Variants in RSRP1 observed in about 807,000 individuals in gnomAD.
RSRP1 encodes arginine and serine rich protein 1.
A neutral mutation model predicts 33.0 loss-of-function variants in RSRP1; 37 were observed. That is an observed-to-expected ratio of 1.12 (90% CI 0.86 to 1.48). The LOEUF (loss-of-function observed/expected upper bound fraction) is 1.48, where lower values mean the gene tolerates loss of function less well. Ranked by LOEUF, RSRP1 falls within the 40% of genes most tolerant of loss-of-function variation. The pLI is 0.00. For synonymous variants in RSRP1, 167 were observed against 158.7 expected, an observed-to-expected ratio of 1.05 and a Z score of -0.40; for missense variants, 402 against 385.3, an observed-to-expected ratio of 1.04 and a Z score of -0.36.
intron 2 of RSRP1, chr1:25,245,853 A>C (rs1404970573): frequency 6.4e-6 from 1 of 155,986 alleles, no homozygotes; most frequent in African/African-American, 2.4e-5. Flanking sequence ...TTATATAATT[A>C]TCACAACCAC....
At position 25,293,626 on chromosome 1, in the gene RSRP1, T is replaced by G. The variant is rs1174341271; in HGVS notation, c.-67+44352A>C. Among the ~76,000 whole-genome samples, 3 of 131,386 alleles carry G rather than the reference T, an allele frequency of 2.3e-5. 1 individual carries two copies. The highest frequency in any genetic ancestry group is 3.6e-5 in the Non-Finnish European group (2 of 55,690). 86.2% of individuals were successfully genotyped at this position (131,386 alleles called of 152,430 possible). A position where few individuals can be genotyped will look rare whatever the true frequency, so the allele number is the denominator to read the frequency against. On this transcript the variant is annotated intron_variant, in intron 1 of 1. Transcript: ENST00000561867. ...GCGTTTCTTCCTAGGATTTAGAAAT[T>G]TATAATATGAGATAGCAGCATTTCC...
chr1:25,333,589 A>G (rs1222604391), intron 1 of RSRP1, among the ~76,000 whole-genome samples: 2 of 131,228 alleles, frequency 1.5e-5, no homozygotes, highest in East Asian at 2.0e-4. Context: ...CCTGGCCAGG[A>G]GCTAGAGCAT....
At chr1:25,299,457 C>T (rs1446568531) in intron 1 of RSRP1, among the ~76,000 whole-genome samples, 1 of 131,176 alleles carries the variant, frequency 7.6e-6, no homozygotes, top group Non-Finnish European at 1.8e-5. Context: ...TAGACACCCT[C>T]TACAGACAAG....
chr1:25,266,629 G>A (rs2124567627), intron 1 of RSRP1: 1 of 129,238 alleles, frequency 7.7e-6, no homozygotes, highest in African/African-American at 2.8e-5. Flanking sequence ...CAGTCACCTT[G>A]GTTCCCATCT....
rs893576531 is a variant in RSRP1 at position 25,279,271 on chromosome 1, C to T, written c.-66-32242G>A. ...CACTCACTACGTACCCAATGCTGGGCGAAGTGACTTGCATGAGCCAGCGAG... is the reference window on the plus strand; with the variant it reads ...CACTCACTACGTACCCAATGCTGGGTGAAGTGACTTGCATGAGCCAGCGAG... On this transcript the variant is annotated intron_variant, in intron 1 of 1. Coordinates refer to the RSRP1 transcript ENST00000561867. Among the ~76,000 whole-genome samples, 2 of 128,528 alleles carry T rather than the reference C, an allele frequency of 1.6e-5. 1 individual carries two copies. The highest frequency in any genetic ancestry group is 1.5e-4 in the Admixed American group (2 of 13,214). 84.3% of individuals were successfully genotyped at this position (128,528 alleles called of 152,430 possible). A position where few individuals can be genotyped will look rare whatever the true frequency, so the allele number is the denominator to read the frequency against.
intron 1 of RSRP1, among the ~76,000 whole-genome samples, chr1:25,283,187 G>C (rs1641652619): frequency 7.6e-6 from 1 of 132,230 alleles, no homozygotes; most frequent in African/African-American, 2.6e-5. Context: ...AGGGAGGGCA[G>C]ATGGTGTGGT....
rs544073405 is a variant in RSRP1, at chr1:25,320,343, T to TA, written c.-67+17634dup. Reference sequence around the variant, plus strand: ...TCCTAGTGATGGTTCTGATTTTTTTTAAAAAAAGTCTAAATATGTTTAATG... The same window carrying TA: ...TCCTAGTGATGGTTCTGATTTTTTTTAAAAAAAAGTCTAAATATGTTTAATG... On this transcript the variant is annotated intron_variant, in intron 1 of 1. Transcript: ENST00000561867. Among the ~76,000 whole-genome samples the TA allele has an allele frequency of 5.3e-5, 7 of 131,812 alleles. 2 individuals are homozygous for TA. Among genetic ancestry groups the TA allele is most frequent in the Admixed American group, 1.5e-4 (2 of 13,496 alleles). The allele number at this position is 131,812 out of a possible 152,430, so 86.5% of individuals were successfully genotyped here. A position where few individuals can be genotyped will look rare whatever the true frequency, so the allele number is the denominator to read the frequency against.
chr1:25,251,750 C>T (rs996840966), upstream of RSRP1, among the ~76,000 whole-genome samples: 2 of 152,116 alleles, frequency 1.3e-5, no homozygotes, highest in East Asian at 3.8e-4. Context: ...TACAAGCTAA[C>T]GATCATTCCC....
intron 1 of RSRP1, among the ~76,000 whole-genome samples, chr1:25,313,621 A>G (rs1431333343): frequency 7.6e-6 from 1 of 132,350 alleles, no homozygotes; most frequent in Non-Finnish European, 1.8e-5. Context: ...AACAAGAGGC[A>G]GAACACGTCA....
intron 1 of RSRP1, chr1:25,272,739 G>T (rs753892726): frequency 7.3e-7 from 1 of 1,375,832 alleles, no homozygotes; most frequent in African/African-American, 1.4e-5. Flanking sequence ...AAATAGCAGG[G>T]GCAGGGGCGG....
chr1:25,300,997 G>A, intron 1 of RSRP1: 1 of 1,378,394 alleles, frequency 7.3e-7, no homozygotes, highest in Non-Finnish European at 1.0e-6. Flanking sequence ...AGCCTATTTT[G>A]GGCTGTCTGT....
At chr1:25,263,261 G>A (rs995006042) in intron 1 of RSRP1, among the ~76,000 whole-genome samples, 1 of 152,060 alleles carries the variant, frequency 6.6e-6, no homozygotes, top group Non-Finnish European at 1.5e-5. Context: ...GGCCTGGCCA[G>A]GAGCTAGAGC....
rs1643669824 is a variant in RSRP1 at position 25,304,814 on chromosome 1, T to C, written c.-67+33164A>G. 1.5e-5 allele frequency: 2 copies of C among 131,672 alleles called. 1 individual carries two copies. Among genetic ancestry groups the C allele is most frequent in the Admixed American group, 1.5e-4 (2 of 13,522 alleles). 8.2% of individuals were successfully genotyped at this position (131,672 alleles called of 1,614,324 possible). ...CAAATTTCTTTTATCTCCTCTGGCT[T>C]TGAAACCCTGAAATGAAAGGAGGAA... On this transcript the variant is annotated intron_variant, in intron 1 of 1. Transcript: ENST00000561867.
At chr1:25,310,747 G>A (rs1167632288) in intron 1 of RSRP1, among the ~76,000 whole-genome samples, 1 of 132,278 alleles carries the variant, frequency 7.6e-6, no homozygotes, top group Non-Finnish European at 1.8e-5. Flanking sequence ...CAAAGCAGGT[G>A]GATCACCTGA....
chr1:25,295,895 T>C lies in RSRP1; in HGVS notation c.-67+42083A>G, dbSNP rs1340050624. Among the ~76,000 whole-genome samples, 2 of 103,050 alleles carry C rather than the reference T, an allele frequency of 1.9e-5. 1 individual carries two copies. Among genetic ancestry groups the C allele is most frequent in the African/African-American group, 6.7e-5 (2 of 29,636 alleles). The allele number at this position is 103,050 out of a possible 152,430, so 67.6% of individuals were successfully genotyped here. The stretch of plus-strand genomic sequence containing the variant: ...TTTTTTTTTTGAGATGGAGTTTCGC[T>C]GTTGTCATCCAGGCTGGATTGCAAT... On this transcript the variant is annotated intron_variant, in intron 1 of 1. Coordinates refer to the RSRP1 transcript ENST00000561867.
At position 25,297,239 on chromosome 1, in the gene RSRP1, G is replaced by T. The variant is rs1643031976; in HGVS notation, c.-67+40739C>A. 2.3e-5 allele frequency among the ~76,000 whole-genome samples: 2 copies of T among 88,822 alleles called. 1 individual carries two copies. Among genetic ancestry groups the T allele is most frequent in the South Asian group, 7.3e-4 (2 of 2,744 alleles). The allele number at this position is 88,822 out of a possible 152,430, so 58.3% of individuals were successfully genotyped here. A position where few individuals can be genotyped will look rare whatever the true frequency, so the allele number is the denominator to read the frequency against. On this transcript the variant is annotated intron_variant, in intron 1 of 1. Coordinates refer to the RSRP1 transcript ENST00000561867. ...TGTGGGTTTGTCTGCTGTTCCTCATGATTAGATTGTGGGTATGCATTTTTG... is the reference window on the plus strand; with the variant it reads ...TGTGGGTTTGTCTGCTGTTCCTCATTATTAGATTGTGGGTATGCATTTTTG...
At chr1:25,311,752 C>T (rs1263801892) in intron 1 of RSRP1, among the ~76,000 whole-genome samples, 1 of 130,602 alleles carries the variant, frequency 7.7e-6, no homozygotes, top group Non-Finnish European at 1.8e-5. Flanking sequence ...CAGCATTCCT[C>T]AGCCATCCCA....
At chr1:25,268,699 G>C (rs1640401199) in intron 1 of RSRP1, among the ~76,000 whole-genome samples, 1 of 130,258 alleles carries the variant, frequency 7.7e-6, no homozygotes, top group Non-Finnish European at 1.8e-5. Flanking sequence ...TATAATCCCA[G>C]CACTTTGGGA....
In RSRP1 at chr1:25,245,303, TAA is replaced by T. The variant is rs543739883; in HGVS notation, c.521-4_521-3del. 109 of 1,394,620 alleles carry T rather than the reference TAA, an allele frequency of 7.8e-5. No individual in the cohort carries two copies. Among genetic ancestry groups the T allele is most frequent in the Non-Finnish European group, 1.0e-4 (106 of 1,028,398 alleles). The allele number at this position is 1,394,620 out of a possible 1,614,324, so 86.4% of individuals were successfully genotyped here. A position where few individuals can be genotyped will look rare whatever the true frequency, so the allele number is the denominator to read the frequency against. ...CTATTTCTAACAGCTCCATTCGATC[TAA>T]AAAAAAAAGAGAGAGATTTTAAAAT... On this transcript the variant is annotated splice_polypyrimidine_tract_variant and splice_region_variant and intron_variant, in intron 2 of 4. Transcript: ENST00000243189.
Sources: allele counts gnomAD v4.1 joint callset (sites outside exome capture counted in the v4.1 genomes callset), GRCh38; gene constraint gnomAD v4.1.1; transcripts MANE v1.5; gene names NCBI Gene and HGNC (gene_info 2026-07-23, HGNC 2026-07-21).